Variants in TANC1 observed in about 807,000 individuals in gnomAD.
TANC1 encodes the protein tetratricopeptide repeat, ankyrin repeat and coiled-coil containing 1.
Under a neutral mutation model 149.7 loss-of-function variants are expected in TANC1, and 77 were observed. The ratio of observed to expected loss-of-function variants is 0.51; its 90% CI spans 0.43 to 0.62. The LOEUF is 0.62. Ranked by LOEUF, TANC1 falls within the 20% of genes least tolerant of loss-of-function variation. TANC1 has a pLI of 0.00. For synonymous variants in TANC1, 854 were observed against 925.0 expected (o/e 0.92, Z 1.39); for missense variants, 1,985 against 2,321.8 (o/e 0.85, Z 2.98).
chr2:159,185,761 T>C (rs1461804792), intron 14 of TANC1, 30 bp from the exon 15 acceptor site: 2 of 1,533,930 alleles, frequency 1.3e-6, no homozygotes, highest in South Asian at 2.3e-5. Context: ...TGGGCTCTTC[T>C]GCTGTGAGCC....
intron 13 of TANC1, 32 bp downstream of exon 13, chr2:159,176,550 T>A (rs2055874711): frequency 2.0e-6 from 3 of 1,528,658 alleles, no homozygotes. Flanking sequence ...TTTCTCCAAG[T>A]CCCCATTCCA....
rs35472970 is a variant in TANC1, at chr2:158,983,468, C to CAAAAAAAAAAAAAAA, written c.-126+14691_-126+14705dup. 4.7e-3 allele frequency among the ~76,000 whole-genome samples: 415 copies of CAAAAAAAAAAAAAAA among 88,642 alleles called. 5 individuals carry two copies. The highest frequency in any genetic ancestry group is 0.022 in the Admixed American group (161 of 7,208). The allele number at this position is 88,642 out of a possible 152,430, so 58.2% of individuals were successfully genotyped here. A position where few individuals can be genotyped will look rare whatever the true frequency, so the allele number is the denominator to read the frequency against. On this transcript the variant is annotated intron_variant, in intron 1 of 26. Coordinates refer to ENST00000263635, the MANE Select transcript of TANC1 (RefSeq NM_033394.3). Reference sequence around the variant, plus strand: ...GGAGACAGAGCAAGACTCCGTCTCCCAAAAAAAAAAAAAAAAAAACACCAA... The same window carrying CAAAAAAAAAAAAAAA: ...GGAGACAGAGCAAGACTCCGTCTCCCAAAAAAAAAAAAAAAAAAAAAAAAAAAAAAAAAACACCAA...
intron 4 of TANC1, among the ~76,000 whole-genome samples, chr2:159,116,454 C>CAACAAA (rs1553559680): frequency 2.1e-3 from 292 of 140,472 alleles, no homozygotes; most frequent in Middle Eastern, 0.015. Context: ...ACAACAACAA[C>CAACAAA]AAAAAAAAAA....
At chr2:158,977,446 G>A (rs2033821507) in intron 1 of TANC1, among the ~76,000 whole-genome samples, 2 of 152,008 alleles carry the variant, frequency 1.3e-5, no homozygotes, top group African/African-American at 4.8e-5. Context: ...GAATAGCTGG[G>A]ATTACAGGTG....
intron 4 of TANC1, among the ~76,000 whole-genome samples, chr2:159,119,620 C>T (rs2048644146): frequency 6.6e-6 from 1 of 152,170 alleles, no homozygotes; most frequent in Admixed American, 6.5e-5. Flanking sequence ...AAACCCTGTT[C>T]TCTGTTTTGT....
chr2:159,088,346 A>G (rs1488103432), intron 3 of TANC1, among the ~76,000 whole-genome samples: 3 of 152,120 alleles, frequency 2.0e-5, no homozygotes, highest in Non-Finnish European at 4.4e-5. Context: ...TTTGTTTCCC[A>G]TATCTATAAT....
chr2:159,075,974 G>A lies in TANC1; in HGVS notation c.61+10003G>A, dbSNP rs1252395094. Among the ~76,000 whole-genome samples, 12 of 152,280 alleles carry A rather than the reference G, an allele frequency of 7.9e-5. No homozygotes were observed. The East Asian group carries it at 2.3e-3, about 29-fold the overall frequency. On this transcript the variant is annotated intron_variant, in intron 3 of 26. Coordinates refer to ENST00000263635, the MANE Select transcript of TANC1 (RefSeq NM_033394.3). Reference sequence around the variant, plus strand: ...CTTGCACAATTCCTATTACTAGGGGGTATTTGTGGGTTTTAGTAATCTTTG... The same window carrying A: ...CTTGCACAATTCCTATTACTAGGGGATATTTGTGGGTTTTAGTAATCTTTG...
chr2:159,036,981 G>A (rs1400187290), intron 2 of TANC1, among the ~76,000 whole-genome samples: 7 of 152,214 alleles, frequency 4.6e-5, no homozygotes, highest in Non-Finnish European at 1.0e-4. Flanking sequence ...CACCAACAGT[G>A]TAAAAGTGTT....
At chr2:159,065,850 A>C (rs1022824862) in intron 2 of TANC1, 46 bp from the exon 3 acceptor site, 1 of 1,513,810 alleles carries the variant, frequency 6.6e-7, no homozygotes, top group Non-Finnish European at 9.2e-7. Context: ...TTATATTCCA[A>C]CTTTCAATGT....
intron 2 of TANC1, among the ~76,000 whole-genome samples, chr2:159,034,270 C>G (rs530165106): frequency 6.6e-6 from 1 of 152,154 alleles, no homozygotes; most frequent in Non-Finnish European, 1.5e-5. Context: ...ACCTACAAAT[C>G]GTTATTCACT....
intron 1 of TANC1, among the ~76,000 whole-genome samples, chr2:158,973,382 C>T (rs190247104): frequency 6.6e-6 from 1 of 152,296 alleles, no homozygotes; most frequent in Admixed American, 6.5e-5. Flanking sequence ...AGGGAAGTCT[C>T]TCAGAAGCAC....
intron 24 of TANC1, 151 bp downstream of exon 24, chr2:159,225,930 C>T (rs2059997830): frequency 1.4e-6 from 1 of 697,866 alleles, no homozygotes; most frequent in Non-Finnish European, 2.6e-6. Context: ...GCCTGTAACT[C>T]CAGCACTTTT....
intron 2 of TANC1, among the ~76,000 whole-genome samples, chr2:159,041,340 TC>T (rs2040613012): frequency 6.6e-6 from 1 of 152,214 alleles, no homozygotes; most frequent in South Asian, 2.1e-4. Context: ...GACGTTTAAG[TC>T]TGCAGAAGTT....
intron 7 of TANC1, among the ~76,000 whole-genome samples, chr2:159,156,699 C>T (rs989398463): frequency 1.3e-5 from 2 of 152,190 alleles, no homozygotes; most frequent in African/African-American, 2.4e-5. Context: ...AACTCTTTTC[C>T]AAAGTCTGGA....
intron 2 of TANC1, among the ~76,000 whole-genome samples, chr2:159,010,251 AT>A (rs1485805804): frequency 6.6e-6 from 1 of 152,230 alleles, no homozygotes; most frequent in Non-Finnish European, 1.5e-5. Flanking sequence ...TTAATTTTAC[AT>A]AAAAAAGACT....
At chr2:158,981,491 T>TTATATATATA (rs10602195) in intron 1 of TANC1, among the ~76,000 whole-genome samples, 15 of 34,340 alleles carry the variant, frequency 4.4e-4, no homozygotes, top group East Asian at 1.8e-3. Flanking sequence ...TATATAGCTT[T>TTATATATATA]TATATATATA....
intron 2 of TANC1, among the ~76,000 whole-genome samples, chr2:159,010,779 A>G (rs1373158835): frequency 6.6e-6 from 1 of 150,814 alleles, no homozygotes; most frequent in Non-Finnish European, 1.5e-5. Flanking sequence ...ATGACCTTAG[A>G]CAGATCACTC....
intron 16 of TANC1, among the ~76,000 whole-genome samples, chr2:159,188,942 T>C (rs2057234835): frequency 6.6e-6 from 1 of 152,186 alleles, no homozygotes; most frequent in South Asian, 2.1e-4. Flanking sequence ...TTTAAACAGG[T>C]TCCTTCAGCA....
chr2:159,127,290 G>A (rs1012684554), intron 4 of TANC1, among the ~76,000 whole-genome samples: 10 of 152,150 alleles, frequency 6.6e-5, no homozygotes, highest in East Asian at 1.9e-4. Flanking sequence ...TCGGAATGGC[G>A]GTTATTAAAA....
Sources: allele counts gnomAD v4.1 joint callset (sites outside exome capture counted in the v4.1 genomes callset), GRCh38; gene constraint gnomAD v4.1.1; transcripts MANE v1.5; gene names NCBI Gene and HGNC (gene_info 2026-07-23, HGNC 2026-07-21).